LRP11: variants seen among roughly 807,000 people sequenced by gnomAD.
LRP11 encodes LDL receptor related protein 11.
Under a neutral mutation model 43.1 loss-of-function variants are expected in LRP11, and 25 were observed. The observed-to-expected ratio is 0.58, with a 90% CI of 0.42 to 0.81. The LOEUF (loss-of-function observed/expected upper bound fraction) is 0.81. Among genes scored for constraint, LRP11 ranks in the 30% least tolerant of loss-of-function variants. LRP11 has a pLI of 0.00. For missense variants in LRP11, 623 were observed against 665.1 expected (o/e 0.94, Z 0.70); for synonymous variants, 316 against 299.4 (o/e 1.06, Z -0.57).
chr6:149,863,258 TC>T, intron 1 of LRP11, 149 bp downstream of exon 1: 1 of 1,162,732 alleles, frequency 8.6e-7, no homozygotes, highest in Admixed American at 3.7e-5. Flanking sequence ...GGCTTCCTCT[TC>T]CCTAAGACAG....
At chr6:149,837,190 C>G (rs1430157241) in intron 4 of LRP11, 148 bp downstream of exon 4, 2 of 771,846 alleles carry the variant, frequency 2.6e-6, no homozygotes, top group Non-Finnish European at 3.9e-6. Flanking sequence ...ATATTGAATT[C>G]TCATTTAAGG....
At chr6:149,842,559 C>G in intron 3 of LRP11, 2 of 1,295,246 alleles carry the variant, frequency 1.5e-6, no homozygotes, top group Non-Finnish European at 2.2e-6. Context: ...TTTCCCAGTC[C>G]GTCCCCCGCA....
chr6:149,826,407 C>T (rs1776340404), intron 5 of LRP11, 48 bp from the exon 6 acceptor site: 1 of 1,323,356 alleles, frequency 7.6e-7, no homozygotes. Context: ...GCATCAGAAA[C>T]TTCAGGAAAC....
chr6:149,864,263 T>C lies in LRP11; in HGVS notation c.-243A>G. ...ACCGCTCCTTGCCCTCGCCGGAGAC[T>C]GCCCAGCGCCCTGCGCCTCTCCGCC... is the stretch of plus-strand genomic sequence containing the variant. On this transcript the variant is annotated 5_prime_UTR_variant, in exon 1 of 7. Transcript: ENST00000239367. The C allele has an allele frequency of 9.4e-7, 1 of 1,069,140 alleles. No individual in the cohort carries two copies. The allele number at this position is 1,069,140 out of a possible 1,614,324, so 66.2% of individuals were successfully genotyped here.
chr6:149,837,166 C>T (rs1004101583), intron 4 of LRP11, among the ~76,000 whole-genome samples, 172 bp downstream of exon 4: 6 of 152,154 alleles, frequency 3.9e-5, no homozygotes, highest in African/African-American at 1.2e-4. Flanking sequence ...ACATTTGAGA[C>T]TTAGACTAGA....
In LRP11 at chr6:149,864,004, T is replaced by G; in HGVS notation, c.17A>C (p.Gln6Pro). The part of the protein sequence containing the change: MASVA[Q>P]ESAGSQRRLP... ...CCGGCGCTGCGAGCCCGCGCTCTCCTGGGCGACGGAGGCCATGGCGACGAG... is the reference window on the plus strand; with the variant it reads ...CCGGCGCTGCGAGCCCGCGCTCTCCGGGGCGACGGAGGCCATGGCGACGAG... Residue 6 changes from glutamine to proline, a missense_variant, in exon 1 of 7, where the codon CAG becomes CCG. Transcript: ENST00000239367. 3.0e-6 allele frequency: 4 copies of G among 1,355,708 alleles called. No individual in the cohort carries two copies. The highest frequency in any genetic ancestry group is 3.6e-5 in the South Asian group (2 of 54,886). 84.0% of individuals were successfully genotyped at this position (1,355,708 alleles called of 1,614,324 possible).
At chr6:149,844,828 C>T (rs1454302550) in intron 2 of LRP11, among the ~76,000 whole-genome samples, 1 of 152,182 alleles carries the variant, frequency 6.6e-6, no homozygotes, top group Non-Finnish European at 1.5e-5. Context: ...CATATACACA[C>T]CCATAGGATG....
rs991178650 is a variant in LRP11 at position 149,863,921 on chromosome 6, T to C, written c.100A>G (p.Ser34Gly). 3.4e-6 allele frequency: 5 copies of C among 1,480,200 alleles called. No individual in the cohort carries two copies. The highest frequency in any genetic ancestry group is 4.5e-6 in the Non-Finnish European group (5 of 1,122,790). 91.7% of individuals were successfully genotyped at this position (1,480,200 alleles called of 1,614,324 possible). ...GCGGGCGGCAAGGCCGCACGGCCGC[T>C]TGGCAGCCACAGGCAGAGCAGTAGC... Reference protein sequence around the residue: ...GLLLLCLWLPSGRAALPPAAP... With the variant: ...GLLLLCLWLPGGRAALPPAAP... The change falls in exon 1 of 7, where the codon AGC becomes GGC. Residue 34 changes from serine to glycine, a missense_variant. Physicochemically the swap from Ser to Gly is moderately conservative, Grantham distance 56. Coordinates refer to ENST00000239367, the MANE Select transcript of LRP11 (RefSeq NM_032832.6).
At chr6:149,825,415 T>C (rs984464798) in intron 6 of LRP11, among the ~76,000 whole-genome samples, 2 of 152,256 alleles carry the variant, frequency 1.3e-5, no homozygotes, top group East Asian at 3.8e-4. Context: ...CTAGGTATTC[T>C]AAGACCTTTA....
chr6:149,844,070 T>C (rs1162070827), intron 2 of LRP11, among the ~76,000 whole-genome samples: 3 of 152,106 alleles, frequency 2.0e-5, no homozygotes, highest in South Asian at 2.1e-4. Context: ...TTGGCCAACA[T>C]GGTGAGACCC....
intron 3 of LRP11, among the ~76,000 whole-genome samples, chr6:149,842,241 C>T (rs1458013910): frequency 6.6e-6 from 1 of 151,752 alleles, no homozygotes; most frequent in Non-Finnish European, 1.5e-5. Flanking sequence ...TGTGGTATGC[C>T]TTTTCCTTGT....
At chr6:149,829,764 T>G in intron 5 of LRP11, among the ~76,000 whole-genome samples, 1 of 151,954 alleles carries the variant, frequency 6.6e-6, no homozygotes, top group Non-Finnish European at 1.5e-5. Flanking sequence ...GAGAGCTTGC[T>G]CATCTTAATT....
At chr6:149,856,076 C>G (rs1018915001) in intron 1 of LRP11, among the ~76,000 whole-genome samples, 2 of 152,120 alleles carry the variant, frequency 1.3e-5, no homozygotes, top group Non-Finnish European at 2.9e-5. Context: ...TCTTATAACT[C>G]AGCAGTTATA....
chr6:149,856,527 G>A (rs927140165), intron 1 of LRP11, among the ~76,000 whole-genome samples: 2 of 152,182 alleles, frequency 1.3e-5, no homozygotes, highest in African/African-American at 4.8e-5. Flanking sequence ...GGAAGGGAGT[G>A]TGCCATTTTA....
At chr6:149,844,874 G>A (rs1185648503) in intron 2 of LRP11, among the ~76,000 whole-genome samples, 2 of 152,164 alleles carry the variant, frequency 1.3e-5, no homozygotes, top group African/African-American at 4.8e-5. Context: ...GATTACCGTG[G>A]TTGTCATATG....
At chr6:149,842,784 C>T (rs918101865) in intron 3 of LRP11, 199 bp downstream of exon 3, 19 of 1,273,246 alleles carry the variant, frequency 1.5e-5, no homozygotes, top group Non-Finnish European at 2.0e-5. Context: ...TTCCTCCACC[C>T]CAACCCAGTA....
At position 149,836,125 on chromosome 6, in the gene LRP11, G is replaced by A. The variant is rs766870919; in HGVS notation, c.1212C>T (p.Ala404=). The A allele has an allele frequency of 4.3e-6, 7 of 1,613,962 alleles. No homozygotes were observed. Among genetic ancestry groups the A allele is most frequent in the East Asian group, 2.2e-5 (1 of 44,894 alleles). ...LSNTEKRNHS[A]FWGPESQIIP... ...TGATTTGACTCTCTGGTCCCCAAAA[G>A]GCGGAATGATTCCTCTTCTCTGTGT... The change falls in exon 5 of 7, where the codon GCC becomes GCT. Residue 404 remains alanine, a synonymous_variant. Transcript: ENST00000239367.
intron 6 of LRP11, among the ~76,000 whole-genome samples, chr6:149,821,199 G>A (rs1776274270): frequency 6.6e-6 from 1 of 152,070 alleles, no homozygotes. Context: ...AAAGTGCTGG[G>A]ATTACAGGCG....
intron 2 of LRP11, among the ~76,000 whole-genome samples, chr6:149,846,998 G>GAATAGAATAT (rs1776645939): frequency 6.6e-6 from 1 of 151,098 alleles, no homozygotes; most frequent in Non-Finnish European, 1.5e-5. Flanking sequence ...GAATAGAATA[G>GAATAGAATAT]AATAGAATAG....
Sources: allele counts gnomAD v4.1 joint callset (sites outside exome capture counted in the v4.1 genomes callset), GRCh38; gene constraint gnomAD v4.1.1; transcripts MANE v1.5; gene names NCBI Gene and HGNC (gene_info 2026-07-23, HGNC 2026-07-21).